Variants in TAB3 observed in about 807,000 individuals in gnomAD.
The protein encoded by TAB3 is TGF-beta activated kinase 1 (MAP3K7) binding protein 3.
Under a neutral mutation model 48.1 loss-of-function variants are expected in TAB3, and 18 were observed. The observed-to-expected ratio is 0.37, with a 90% CI of 0.26 to 0.55. The LOEUF (loss-of-function observed/expected upper bound fraction) is 0.55. TAB3 is among the 20% of genes least tolerant of loss of function. The pLI is 0.78. For missense variants in TAB3, 414 were observed against 549.8 expected, an observed-to-expected ratio of 0.75 and a Z score of 2.47; for synonymous variants, 185 against 190.2, an observed-to-expected ratio of 0.97 and a Z score of 0.22.
At chrX:30,866,182 C>T (rs1939396699) in intron 4 of TAB3, among the ~76,000 whole-genome samples, 1 of 111,420 alleles carries the variant, frequency 9.0e-6, no homozygotes, top group Non-Finnish European at 1.9e-5. Flanking sequence ...TAAATATGGC[C>T]TCCAGAAACG....
chrX:30,847,824 C>T (rs1938681581), intron 7 of TAB3, among the ~76,000 whole-genome samples: 1 of 111,126 alleles, frequency 9.0e-6, no homozygotes, highest in Non-Finnish European at 1.9e-5. Context: ...AAGCAGGTAT[C>T]AAAGTTTAAA....
chrX:30,872,114 C>T (rs1438560889), intron 1 of TAB3, among the ~76,000 whole-genome samples: 1 of 111,771 alleles, frequency 8.9e-6, no homozygotes, highest in Non-Finnish European at 1.9e-5. Context: ...GCTTTAGCTG[C>T]ATCCCTGGAA....
intron 8 of TAB3, 150 bp from the exon 9 acceptor site, chrX:30,843,199 A>G (rs1181945440): frequency 4.9e-6 from 2 of 408,323 alleles, no homozygotes; most frequent in Admixed American, 4.7e-5. Flanking sequence ...TGTCCTCCCA[A>G]TGAAATTGTG....
In TAB3 at chrX:30,852,879, T is replaced by A; in HGVS notation, c.1609A>T (p.Lys537Ter). 1 of 1,211,538 alleles carries A rather than the reference T, an allele frequency of 8.3e-7. No individual in the cohort carries two copies. The highest frequency in any genetic ancestry group is 1.1e-6 in the Non-Finnish European group (1 of 895,409). The change falls in exon 7 of 11, where the codon AAA (lysine) becomes TAA (stop). Residue 537 changes from lysine to a stop codon, truncating the protein, a stop_gained. Transcript: ENST00000288422. LOFTEE classifies it high-confidence loss of function. Reference sequence around the variant, plus strand: ...GACTTCAACCGCTCTAGCTCCTCTTTCTCAAGTTTCAGTTGCTTTGCTAAC... The same window carrying A: ...GACTTCAACCGCTCTAGCTCCTCTTACTCAAGTTTCAGTTGCTTTGCTAAC... ...ERLAKQLKLE[K>*]EELERLKSEV...
In TAB3 at chrX:30,854,361, G is replaced by C; in HGVS notation, c.1304C>G (p.Thr435Ser). ...TGGTGATGGAGTACAAGAAGGTCCA[G>C]TTGGCTGTGTATATGTAATATACAC... Reference protein sequence around the residue: ...NPVYITYTQPTGPSCTPSPSP... With the variant: ...NPVYITYTQPSGPSCTPSPSP... Residue 435 changes from threonine (T) to serine (S), a missense_variant, in exon 6 of 11, where the codon ACT (threonine) becomes AGT (serine). Coordinates refer to ENST00000288422, the MANE Select transcript of TAB3 (RefSeq NM_152787.5). 2 of 1,211,638 alleles carry C rather than the reference G, an allele frequency of 1.7e-6. No individual in the cohort carries two copies. Among genetic ancestry groups the C allele is most frequent in the Non-Finnish European group, 2.2e-6 (2 of 895,436 alleles).
At chrX:30,842,904 G>A in intron 9 of TAB3, 62 bp downstream of exon 9, 4 of 734,526 alleles carry the variant, frequency 5.4e-6, no homozygotes, top group Non-Finnish European at 6.0e-6. Flanking sequence ...TCAGATAAAT[G>A]TGAAATCCCA....
chrX:30,876,680 A>AT (rs56291833), intron 1 of TAB3, among the ~76,000 whole-genome samples: 70 of 106,753 alleles, frequency 6.6e-4, no homozygotes, highest in African/African-American at 1.7e-3. Flanking sequence ...TAATTTCTGT[A>AT]TTTTTTTTTT....
rs1938005890 is a variant in TAB3, at chrX:30,830,912, G to GCCA, written c.*514_*515insTGG. 2.3e-5 allele frequency: 1 copy of GCCA among 43,609 alleles called. No homozygotes were observed. The highest frequency in any genetic ancestry group is 7.9e-5 in the African/African-American group (1 of 12,621). 3.6% of individuals were successfully genotyped at this position (43,609 alleles called of 1,213,427 possible). A position where few individuals can be genotyped will look rare whatever the true frequency, so the allele number is the denominator to read the frequency against. On this transcript the variant is annotated 3_prime_UTR_variant, in exon 11 of 11. Transcript: ENST00000288422. The stretch of plus-strand genomic sequence containing the variant: ...AATTACAAATACCCTTAATTAATTT[G>GCCA]CCCCCCCCCCCCAAATATTCTAGGT...
intron 7 of TAB3, among the ~76,000 whole-genome samples, chrX:30,846,901 C>G (rs1054832247): frequency 9.0e-6 from 1 of 111,649 alleles, no homozygotes; most frequent in African/African-American, 3.3e-5. Flanking sequence ...CTGTGTTCTA[C>G]CATACAAGAT....
intron 1 of TAB3, among the ~76,000 whole-genome samples, chrX:30,873,573 C>T (rs1331022971): frequency 9.1e-6 from 1 of 109,932 alleles, no homozygotes; most frequent in African/African-American, 3.3e-5. Flanking sequence ...CCTCTCCTTC[C>T]ACCTCCTCCC....
At chrX:30,871,112 T>C (rs971772987) in intron 2 of TAB3, among the ~76,000 whole-genome samples, 8 of 112,276 alleles carry the variant, frequency 7.1e-5, no homozygotes, top group Non-Finnish European at 1.5e-4. Context: ...ACGGCTGATA[T>C]TGTTATGTAG....
intron 1 of TAB3, among the ~76,000 whole-genome samples, chrX:30,888,446 T>G (rs1940191874): frequency 8.9e-6 from 1 of 112,595 alleles, no homozygotes; most frequent in Admixed American, 9.3e-5. Flanking sequence ...TGCAGCTTAC[T>G]TTATGCCTCA....
chrX:30,849,892 C>T (rs944715066), intron 7 of TAB3, among the ~76,000 whole-genome samples: 1 of 112,270 alleles, frequency 8.9e-6, no homozygotes, highest in African/African-American at 3.2e-5. Flanking sequence ...TGTGTCTAAA[C>T]CTCAAGCAAA....
intron 1 of TAB3, among the ~76,000 whole-genome samples, chrX:30,887,064 C>T (rs192474147): frequency 1.5e-3 from 165 of 112,411 alleles, no homozygotes; most frequent in African/African-American, 4.8e-3. Flanking sequence ...ACAGGGTCAG[C>T]TGTCAAGTAC....
intron 5 of TAB3, 101 bp downstream of exon 5, chrX:30,859,386 A>ACC (rs1373676160): frequency 4.5e-5 from 27 of 596,486 alleles, no homozygotes; most frequent in Non-Finnish European, 4.3e-5. Flanking sequence ...ACACACACAC[A>ACC]CACACAAGAA....
At chrX:30,863,594 G>A (rs1370121008) in intron 4 of TAB3, among the ~76,000 whole-genome samples, 2 of 111,707 alleles carry the variant, frequency 1.8e-5, no homozygotes, top group Non-Finnish European at 3.8e-5. Flanking sequence ...TCCCTCACCC[G>A]CCTTGCTCCC....
intron 4 of TAB3, among the ~76,000 whole-genome samples, chrX:30,860,094 A>T (rs1310535471): frequency 8.9e-6 from 1 of 111,878 alleles, no homozygotes; most frequent in Non-Finnish European, 1.9e-5. Context: ...TACCAAAATA[A>T]TAAAAGACAG....
chrX:30,844,636 AACCC>A (rs1938562677), intron 8 of TAB3: 1 of 112,351 alleles, frequency 8.9e-6, no homozygotes, highest in South Asian at 3.7e-4. Flanking sequence ...TAGTTTATGT[AACCC>A]CTACATCATG....
At chrX:30,872,731 T>C (rs954350491) in intron 1 of TAB3, among the ~76,000 whole-genome samples, 6 of 112,014 alleles carry the variant, frequency 5.4e-5, no homozygotes, top group Non-Finnish European at 1.1e-4. Context: ...CAGTAATCAA[T>C]GGATGCTAAC....
Sources: gnomAD v4.1 joint callset for allele counts (sites outside exome capture counted in the v4.1 genomes callset) on GRCh38, gnomAD v4.1.1 for gene constraint, MANE v1.5 for transcripts, NCBI Gene and HGNC (gene_info 2026-07-23, HGNC 2026-07-21) for gene names.